Variants in FADS6 observed in about 807,000 individuals in gnomAD.
FADS6 encodes the protein fatty acid desaturase 6, also known as fatty acid desaturase domain family, member 6.
In FADS6, 28 loss-of-function variants were observed where a neutral mutation model predicts 31.7. The ratio of observed to expected loss-of-function variants is 0.88; its 90% CI spans 0.66 to 1.21. The LOEUF is 1.21. Ranked by LOEUF, FADS6 falls within the 50% of genes most tolerant of loss-of-function variation. The pLI, the probability that FADS6 is intolerant of heterozygous loss-of-function variation, is 0.00. For missense variants in FADS6, 494 were observed against 504.2 expected (o/e 0.98, Z 0.19); for synonymous variants, 191 against 213.1 (o/e 0.90, Z 0.90).
intron 2 of FADS6, among the ~76,000 whole-genome samples, chr17:74,883,917 C>T (rs996333384): frequency 6.6e-6 from 1 of 152,180 alleles, no homozygotes; most frequent in African/African-American, 2.4e-5. Flanking sequence ...ATCCACCCAC[C>T]TCGGCCTCCC....
At chr17:74,879,381 C>T (rs2038542101) in intron 5 of FADS6, 23 bp downstream of exon 5, 10 of 1,609,462 alleles carry the variant, frequency 6.2e-6, no homozygotes, top group Non-Finnish European at 8.5e-6. Flanking sequence ...TATTCCAGCG[C>T]CCCCAGCCCA....
chr17:74,893,045 G>A (rs2038709145), intron 1 of FADS6, among the ~76,000 whole-genome samples: 1 of 151,844 alleles, frequency 6.6e-6, no homozygotes. Flanking sequence ...TCCCTTCCCG[G>A]GGGTGGGGGG....
At chr17:74,892,872 C>G (rs1025473504) in intron 1 of FADS6, among the ~76,000 whole-genome samples, 183 bp from the exon 2 acceptor site, 1 of 152,176 alleles carries the variant, frequency 6.6e-6, no homozygotes, top group African/African-American at 2.4e-5. Flanking sequence ...CTCCAGCGGT[C>G]CTGACTCTCC....
chr17:74,892,438 T>A, intron 2 of FADS6, 85 bp downstream of exon 2: 1 of 1,496,472 alleles, frequency 6.7e-7, no homozygotes, highest in Non-Finnish European at 9.0e-7. Flanking sequence ...CATGCACAGC[T>A]GGACACACCC....
rs2038709965 is a variant in FADS6 at position 74,893,109 on chromosome 17, A to AT, written c.244+242_244+243insA. On this transcript the variant is annotated intron_variant, in intron 1 of 5. Coordinates refer to ENST00000612771, the MANE Select transcript of FADS6 (RefSeq NM_178128.6). ...GCTCCTCTCAACTTTCCCTTCCACC[A>AT]CCCTCCTGCGCCCCCTCCTAGGGTA... 1.6e-3 allele frequency among the ~76,000 whole-genome samples: 198 copies of AT among 125,408 alleles called. 2 individuals are homozygous for AT. Among genetic ancestry groups the AT allele is most frequent in the African/African-American group, 7.3e-3 (192 of 26,284 alleles). The allele number at this position is 125,408 out of a possible 152,430, so 82.3% of individuals were successfully genotyped here.
chr17:74,891,278 T>C (rs919443942), intron 2 of FADS6, among the ~76,000 whole-genome samples: 1 of 152,016 alleles, frequency 6.6e-6, no homozygotes, highest in Non-Finnish European at 1.5e-5. Flanking sequence ...CCTCAGGCGA[T>C]CCACCTGCCT....
Position 74,879,500 on chromosome 17 carries a change from C to T in FADS6, c.864G>A (p.Arg288=). The T allele has an allele frequency of 6.2e-7, 1 of 1,613,864 alleles. No individual in the cohort carries two copies. Among genetic ancestry groups the T allele is most frequent in the Non-Finnish European group, 8.5e-7 (1 of 1,179,876 alleles). The change falls in exon 5 of 6, where the codon CGG becomes CGA. Residue 288 remains arginine, a synonymous_variant. Coordinates refer to ENST00000612771, the MANE Select transcript of FADS6 (RefSeq NM_178128.6). ...MMSLGVLNLA[R]LPVLDWAFGH... is the part of the protein sequence containing the mutation. ...CGAACGCCCAGTCCAGCACGGGCAGCCGGGCCAGGTTAAGCACCCCCAGGC... is the reference window on the plus strand; with the variant it reads ...CGAACGCCCAGTCCAGCACGGGCAGTCGGGCCAGGTTAAGCACCCCCAGGC...
At position 74,878,277 on chromosome 17, in the gene FADS6, GAGGGCC is replaced by G. The variant is rs2038527765; in HGVS notation, c.*48_*53del. ...ACACCCCCTGGACCAGCAGCAGCAG[GAGGGCC>G]AGGGCCAGGCCAGGGAGGGGCAGGG... On this transcript the variant is annotated 3_prime_UTR_variant, in exon 6 of 6. Coordinates refer to ENST00000612771, the MANE Select transcript of FADS6 (RefSeq NM_178128.6). 4 of 1,555,738 alleles carry G rather than the reference GAGGGCC, an allele frequency of 2.6e-6. No homozygotes were observed. The highest frequency in any genetic ancestry group is 3.5e-6 in the Non-Finnish European group (4 of 1,150,338).
At chr17:74,875,514 A>G (rs1361348251), downstream of FADS6, among the ~76,000 whole-genome samples, 1 of 152,200 alleles carries the variant, frequency 6.6e-6, no homozygotes, top group African/African-American at 2.4e-5. Flanking sequence ...ACTTGTTCCC[A>G]TGATACCCAT....
chr17:74,888,165 CGCGCGCGCAGA>C (rs2038649344), intron 2 of FADS6, among the ~76,000 whole-genome samples: 7 of 139,842 alleles, frequency 5.0e-5, no homozygotes. Context: ...CGCGCGCGCG[CGCGCGCGCAGA>C]GTACCAATGT....
At chr17:74,889,587 C>G (rs1372392407) in intron 2 of FADS6, among the ~76,000 whole-genome samples, 4 of 151,584 alleles carry the variant, frequency 2.6e-5, no homozygotes, top group African/African-American at 9.7e-5. Flanking sequence ...AAAAAAAGGC[C>G]GGGTACAGTG....
Position 74,893,627 on chromosome 17 carries a change from G to A in FADS6, c.-32C>T. ...TGTGGGCTCGGGCCCGACGCGCACG[G>A]AGGACTGGAGGACTGGGGCGTGTGT... On this transcript the variant is annotated 5_prime_UTR_variant, in exon 1 of 6. Coordinates refer to ENST00000612771, the MANE Select transcript of FADS6 (RefSeq NM_178128.6). 1 of 1,277,208 alleles carries A rather than the reference G, an allele frequency of 7.8e-7. No individual in the cohort carries two copies. Among genetic ancestry groups the A allele is most frequent in the Middle Eastern group, 2.0e-4 (1 of 4,948 alleles). The allele number at this position is 1,277,208 out of a possible 1,614,324, so 79.1% of individuals were successfully genotyped here.
intron 2 of FADS6, among the ~76,000 whole-genome samples, chr17:74,889,824 CTGCATCAT>C (rs954362611): frequency 3.9e-5 from 5 of 128,816 alleles, no homozygotes; most frequent in African/African-American, 1.5e-4. Context: ...TGAGCCGAGA[CTGCATCAT>C]TGCACTGAAG....
At chr17:74,881,389 AC>A in intron 3 of FADS6, 134 bp from the exon 4 acceptor site, 1 of 838,386 alleles carries the variant, frequency 1.2e-6, no homozygotes, top group East Asian at 2.7e-5. Flanking sequence ...AAAGCAGGGC[AC>A]CCCATTGTGT....
chr17:74,879,382 C>T (rs1031929133), intron 5 of FADS6, 22 bp downstream of exon 5: 1 of 1,610,558 alleles, frequency 6.2e-7, no homozygotes, highest in Non-Finnish European at 8.5e-7. Flanking sequence ...ATTCCAGCGC[C>T]CCCAGCCCAG....
chr17:74,879,456 C>A lies in FADS6; in HGVS notation c.908G>T (p.Cys303Phe). 2.5e-6 allele frequency: 4 copies of A among 1,613,992 alleles called. No individual in the cohort carries two copies. The highest frequency in any genetic ancestry group is 3.4e-6 in the Non-Finnish European group (4 of 1,179,904). Residue 303 changes from cysteine to phenylalanine, a missense_variant, in exon 5 of 6, where the codon TGC becomes TTC. Transcript: ENST00000612771. ...GGGGAATAGATGGTGTTCCACATGGCAGCTGATGATCGAGTGGCCGAACGC... is the reference window on the plus strand; with the variant it reads ...GGGGAATAGATGGTGTTCCACATGGAAGCTGATGATCGAGTGGCCGAACGC... ...DWAFGHSIIS[C>F]HVEHHLFPRL...
chr17:74,879,341 A>C, intron 5 of FADS6, 63 bp downstream of exon 5: 1 of 1,569,106 alleles, frequency 6.4e-7, no homozygotes, highest in Non-Finnish European at 8.7e-7. Flanking sequence ...AGGCCGAAGA[A>C]TCTTCCTTTC....
At chr17:74,879,881 G>A (rs553937054) in intron 4 of FADS6, among the ~76,000 whole-genome samples, 48 of 152,130 alleles carry the variant, frequency 3.2e-4, no homozygotes, top group Non-Finnish European at 5.3e-4. Context: ...TCATCACACC[G>A]TGCCCTTGCC....
chr17:74,877,893 G>A lies in FADS6; in HGVS notation c.*438C>T. 1 of 990,484 alleles carries A rather than the reference G, an allele frequency of 1.0e-6. No individual in the cohort carries two copies. The highest frequency in any genetic ancestry group is 1.2e-6 in the Non-Finnish European group (1 of 833,524). 61.4% of individuals were successfully genotyped at this position (990,484 alleles called of 1,614,324 possible). A position where few individuals can be genotyped will look rare whatever the true frequency, so the allele number is the denominator to read the frequency against. ...AGGAAGCAATAGCCAAGGCCGTGTGGGGCTCTCCCAATGCCAGGGAGGTCC... is the reference window on the plus strand; with the variant it reads ...AGGAAGCAATAGCCAAGGCCGTGTGAGGCTCTCCCAATGCCAGGGAGGTCC... On this transcript the variant is annotated 3_prime_UTR_variant, in exon 6 of 6. Coordinates refer to ENST00000612771, the MANE Select transcript of FADS6 (RefSeq NM_178128.6).
Sources: allele counts gnomAD v4.1 joint callset (sites outside exome capture counted in the v4.1 genomes callset), GRCh38; gene constraint gnomAD v4.1.1; transcripts MANE v1.5; gene names NCBI Gene and HGNC (gene_info 2026-07-23, HGNC 2026-07-21).